Variants in KDM2B observed in about 807,000 individuals in gnomAD.
KDM2B encodes lysine demethylase 2B, also known as lysine-specific demethylase 2B.
KDM2B carries 26 observed loss-of-function variants against 150.0 expected under a neutral mutation model. The ratio of observed to expected loss-of-function variants is 0.17; its 90% CI spans 0.13 to 0.24. KDM2B has a LOEUF of 0.24. Ranked by LOEUF, KDM2B falls within the 10% of genes least tolerant of loss-of-function variation. KDM2B has a pLI of 1.00. For synonymous variants in KDM2B, 734 were observed against 729.5 expected (o/e 1.01, Z -0.10); for missense variants, 1,265 against 1,816.9 (o/e 0.70, Z 5.52).
chr12:121,462,232 G>A (rs1295194109), intron 12 of KDM2B, among the ~76,000 whole-genome samples: 1 of 152,154 alleles, frequency 6.6e-6, no homozygotes, highest in African/African-American at 2.4e-5. Context: ...GACAGCCCAG[G>A]AAAAGCTGGA....
chr12:121,444,802 G>T (rs1875857203), intron 14 of KDM2B: 1 of 540,686 alleles, frequency 1.8e-6, no homozygotes, highest in Non-Finnish European at 3.3e-6. Context: ...GGTGCCCTCG[G>T]CCATAAAAGT....
At chr12:121,489,760 G>A (rs1883160672) in intron 12 of KDM2B, among the ~76,000 whole-genome samples, 2 of 152,160 alleles carry the variant, frequency 1.3e-5, no homozygotes, top group Non-Finnish European at 2.9e-5. Context: ...TTCAGAAAGT[G>A]CAGATCCCAG....
Position 121,513,548 on chromosome 12 carries a change from G to A in KDM2B, c.1048-146C>T, listed in dbSNP as rs1191241002. On this transcript the variant is annotated intron_variant, in intron 9 of 22. Transcript: ENST00000377071. The surrounding 1 kb of genome is among the most constrained non-coding windows in gnomAD (Gnocchi z 5.0). Reference sequence around the variant, plus strand: ...CATGGATGGTCGGGGGAGAAATGGTGGGGTGCTGGAAGGGAGATGCCGGCA... The same window carrying A: ...CATGGATGGTCGGGGGAGAAATGGTAGGGTGCTGGAAGGGAGATGCCGGCA... 1 of 896,954 alleles carries A rather than the reference G, an allele frequency of 1.1e-6. No individual in the cohort carries two copies. The highest frequency in any genetic ancestry group is 1.7e-6 in the Non-Finnish European group (1 of 588,916). The allele number at this position is 896,954 out of a possible 1,614,324, so 55.6% of individuals were successfully genotyped here. A position where few individuals can be genotyped will look rare whatever the true frequency, so the allele number is the denominator to read the frequency against.
intron 7 of KDM2B, among the ~76,000 whole-genome samples, chr12:121,534,165 C>T (rs756586169): frequency 3.7e-4 from 57 of 152,100 alleles, no homozygotes; most frequent in East Asian, 7.7e-4. Context: ...CTGGCTAACA[C>T]GGTGAAACCC....
intron 2 of KDM2B, 57 bp downstream of exon 2, chr12:121,578,745 T>A (rs1891708920): frequency 2.7e-6 from 3 of 1,115,938 alleles, no homozygotes; most frequent in Non-Finnish European, 3.3e-6. Context: ...GGCAGCTCCC[T>A]CCCCACGTGC....
chr12:121,559,535 G>A (rs533362102), intron 4 of KDM2B, among the ~76,000 whole-genome samples: 1 of 152,272 alleles, frequency 6.6e-6, no homozygotes, highest in South Asian at 2.1e-4. Flanking sequence ...GAGTGGCACG[G>A]TGATAGCAAC....
intron 11 of KDM2B, among the ~76,000 whole-genome samples, chr12:121,495,010 T>G (rs1175058050): frequency 6.6e-6 from 1 of 151,678 alleles, no homozygotes; most frequent in Non-Finnish European, 1.5e-5. Context: ...TTTTTTTTTT[T>G]TTTTTGAGAC....
chr12:121,493,802 A>T (rs2140339138), intron 12 of KDM2B: 1 of 152,224 alleles, frequency 6.6e-6, no homozygotes, highest in South Asian at 2.1e-4. Flanking sequence ...TACAGCCATT[A>T]TTCCTCTTCC....
chr12:121,566,545 G>A (rs895888011), intron 4 of KDM2B, among the ~76,000 whole-genome samples: 2 of 151,758 alleles, frequency 1.3e-5, no homozygotes, highest in Non-Finnish European at 2.9e-5. Flanking sequence ...TCGCTTGAAC[G>A]GGGAGGCGGA....
chr12:121,522,160 A>C (rs1886746492), intron 8 of KDM2B, among the ~76,000 whole-genome samples: 1 of 152,092 alleles, frequency 6.6e-6, no homozygotes, highest in South Asian at 2.1e-4. Context: ...TGCCAGGCAC[A>C]GTGGTCTAAG....
chr12:121,505,630 T>C (rs1884999108), intron 11 of KDM2B, among the ~76,000 whole-genome samples: 1 of 152,140 alleles, frequency 6.6e-6, no homozygotes, highest in Non-Finnish European at 1.5e-5. Context: ...CTGAGTTGAA[T>C]TGGGGGCTGT....
At chr12:121,501,455 C>G (rs1884535811) in intron 11 of KDM2B, among the ~76,000 whole-genome samples, 1 of 152,068 alleles carries the variant, frequency 6.6e-6, no homozygotes, top group African/African-American at 2.4e-5. Context: ...TGGAGTGATG[C>G]AGCCACATCC....
rs1555303593 is a variant in KDM2B at position 121,509,797 on chromosome 12, A to G, written c.1417T>C (p.Leu473=). ...ACACTTTCCTCCGACTCATTAGACAAAGTCCTTTTGAGGAATCGCAGGGCA... is the reference window on the plus strand; with the variant it reads ...ACACTTTCCTCCGACTCATTAGACAGAGTCCTTTTGAGGAATCGCAGGGCA... The part of the protein sequence containing the change: ...APALRFLKRT[L]SNESEESVKS... The change falls in exon 11 of 23, where the codon TTG becomes CTG. Residue 473 remains leucine (L), a synonymous_variant. Coordinates refer to ENST00000377071, the MANE Select transcript of KDM2B (RefSeq NM_032590.5). 4 of 1,613,938 alleles carry G rather than the reference A, an allele frequency of 2.5e-6. No individual in the cohort carries two copies. Among genetic ancestry groups the G allele is most frequent in the African/African-American group, 2.7e-5 (2 of 74,898 alleles).
chr12:121,563,979 T>C (rs190238461), intron 4 of KDM2B, among the ~76,000 whole-genome samples: 2 of 151,720 alleles, frequency 1.3e-5, no homozygotes, highest in Non-Finnish European at 2.9e-5. Flanking sequence ...GATCTGGGCA[T>C]GGTGGCGCAC....
chr12:121,454,777 C>T (rs1475714697), intron 12 of KDM2B, among the ~76,000 whole-genome samples: 2 of 152,178 alleles, frequency 1.3e-5, no homozygotes, highest in African/African-American at 4.8e-5. Context: ...ATTTCAGTGA[C>T]TTGTCATACT....
chr12:121,566,298 C>A (rs575866826), intron 4 of KDM2B, among the ~76,000 whole-genome samples: 27 of 152,026 alleles, frequency 1.8e-4, no homozygotes, highest in Non-Finnish European at 3.5e-4. Flanking sequence ...ACCAGCCTGG[C>A]CAACATGGTG....
chr12:121,423,854 C>G, the KDM2B span: 1 of 378,006 alleles, frequency 2.6e-6, no homozygotes, highest in Non-Finnish European at 4.9e-6. The surrounding 1 kb of genome is among the most constrained non-coding windows in gnomAD (Gnocchi z 4.3). Flanking sequence ...GCCATGTGGG[C>G]ATCAGCCACT....
At chr12:121,413,312 C>T in the KDM2B span, among the ~76,000 whole-genome samples, 1 of 152,208 alleles carries the variant, frequency 6.6e-6, no homozygotes, top group Admixed American at 6.5e-5. Context: ...CAGGCATAAG[C>T]CACTGAGCCT....
At chr12:121,460,533 G>T (rs781820789) in intron 12 of KDM2B, among the ~76,000 whole-genome samples, 2 of 152,152 alleles carry the variant, frequency 1.3e-5, no homozygotes, top group Non-Finnish European at 2.9e-5. Context: ...CTTAGTAGCC[G>T]AGATACAGGC....
Sources: allele counts gnomAD v4.1 joint callset (sites outside exome capture counted in the v4.1 genomes callset), GRCh38; gene constraint gnomAD v4.1.1; non-coding constraint Gnocchi (gnomAD v3.1); transcripts MANE v1.5; gene names NCBI Gene and HGNC (gene_info 2026-07-23, HGNC 2026-07-21).